Variants in JRKL observed in about 807,000 individuals in gnomAD.
JRKL encodes the protein JRK like, also known as jerky protein homolog-like.
JRKL carries 25 observed loss-of-function variants against 34.7 expected under a neutral mutation model. The observed-to-expected ratio is 0.72, with a 90% confidence interval of 0.53 to 1.01. JRKL has a LOEUF of 1.01. JRKL is among the 50% of genes least tolerant of loss of function. JRKL has a pLI of 0.00. For missense variants in JRKL, 495 were observed against 615.7 expected, an observed-to-expected ratio of 0.80 and a Z score of 2.07; for synonymous variants, 204 against 212.8, an observed-to-expected ratio of 0.96 and a Z score of 0.36.
In JRKL at chr11:96,391,019, G is replaced by A. The variant is rs139793646; in HGVS notation, c.370G>A (p.Gly124Ser). 5.0e-6 allele frequency: 8 copies of A among 1,614,166 alleles called. No individual in the cohort carries two copies. The highest frequency in any genetic ancestry group is 1.3e-5 in the African/African-American group (1 of 75,034). ...GGATGGTGATTTTAACCCCTCTGCC[G>A]GTTGGCTAACTCGTTTTAAGCAGCG... ...GMDGDFNPSA[G>S]WLTRFKQRHS... Residue 124 changes from glycine (G) to serine (S), a missense_variant, in exon 2 of 2, where the codon GGT becomes AGT. Transcript: ENST00000332349.
Position 96,390,764 on chromosome 11 carries a change from G to C in JRKL, c.115G>C (p.Glu39Gln), listed in dbSNP as rs1565332516. 1.2e-6 allele frequency: 2 copies of C among 1,613,776 alleles called. No individual in the cohort carries two copies. The highest frequency in any genetic ancestry group is 2.2e-5 in the South Asian group (2 of 90,990). ...KQLAVIYGIG[E>Q]TTVRDIRKNK... ...ACTGGCAGTGATTTATGGAATTGGT[G>C]AAACAACAGTTCGGGATATAAGAAA... Residue 39 changes from glutamate to glutamine, a missense_variant, in exon 2 of 2, where the codon GAA becomes CAA. Transcript: ENST00000332349.
rs201469823 is a variant in JRKL at position 96,390,624 on chromosome 11, T to C, written c.-26T>C. ...ATTTTGTGGATTGCTACATTGTGAG[T>C]GTGGGGTGAGTCCCAGAACCTCGCT... On this transcript the variant is annotated 5_prime_UTR_variant, in exon 2 of 2. Transcript: ENST00000332349. 6.5e-7 allele frequency: 1 copy of C among 1,548,708 alleles called. No individual in the cohort carries two copies. The highest frequency in any genetic ancestry group is 2.2e-5 in the East Asian group (1 of 44,684).
chr11:96,391,879 G>A lies in JRKL; in HGVS notation c.1230G>A (p.Val410=), dbSNP rs761099452. The change falls in exon 2 of 2, where the codon GTG becomes GTA. Residue 410 remains valine, a synonymous_variant. Coordinates refer to ENST00000332349, the MANE Select transcript of JRKL (RefSeq NM_001261833.2). ...FDVEDISVAT[V]AAILQHTKGL... The stretch of plus-strand genomic sequence containing the variant: ...TTGAAGATATTTCTGTGGCTACTGT[G>A]GCTGCCATTTTACAACACACCAAAG... 1 of 1,614,030 alleles carries A rather than the reference G, an allele frequency of 6.2e-7. No individual in the cohort carries two copies. The highest frequency in any genetic ancestry group is 2.2e-5 in the East Asian group (1 of 44,890).
chr11:96,391,455 T>A lies in JRKL; in HGVS notation c.806T>A (p.Ile269Asn). 3 of 1,551,744 alleles carry A rather than the reference T, an allele frequency of 1.9e-6. No individual in the cohort carries two copies. The highest frequency in any genetic ancestry group is 2.6e-6 in the Non-Finnish European group (3 of 1,146,988). The change falls in exon 2 of 2, where the codon ATT becomes AAT. Residue 269 changes from isoleucine to asparagine, a missense_variant. By Grantham distance (149) the Ile-to-Asn change is moderately radical. Transcript: ENST00000332349. The stretch of plus-strand genomic sequence containing the variant: ...ATTTTCCGACAATGGTTTGATAAAA[T>A]TTTTGTGCCGCAAGTTCGAGAGTAT... ...LSIFRQWFDK[I>N]FVPQVREYLR... is the part of the protein sequence containing the mutation.
rs1866496218 is a variant in JRKL, at chr11:96,390,484, C to T, written c.-166C>T. 1 of 718,962 alleles carries T rather than the reference C, an allele frequency of 1.4e-6. No individual in the cohort carries two copies. The highest frequency in any genetic ancestry group is 2.2e-6 in the Non-Finnish European group (1 of 464,220). 44.5% of individuals were successfully genotyped at this position (718,962 alleles called of 1,614,324 possible). Reference sequence around the variant, plus strand: ...CTCCTCTTTCACCTTCTTCTGCAGTCTATTTGCCAGCCAACCCCAGCCCGG... The same window carrying T: ...CTCCTCTTTCACCTTCTTCTGCAGTTTATTTGCCAGCCAACCCCAGCCCGG... On this transcript the variant is annotated splice_region_variant and 5_prime_UTR_variant, in exon 2 of 2. Transcript: ENST00000332349.
rs1866569317 is a variant in JRKL at position 96,393,120 on chromosome 11, A to G, written c.*896A>G. 6.4e-6 allele frequency: 1 copy of G among 155,742 alleles called. No homozygotes were observed. Among genetic ancestry groups the G allele is most frequent in the Admixed American group, 7.2e-5 (1 of 13,858 alleles). 9.6% of individuals were successfully genotyped at this position (155,742 alleles called of 1,614,324 possible). On this transcript the variant is annotated 3_prime_UTR_variant, in exon 2 of 2. Coordinates refer to ENST00000332349, the MANE Select transcript of JRKL (RefSeq NM_001261833.2). ...GAACATCTTGGGAATTTGAGATTTA[A>G]TAAGTTTTTTTTTTTTTTTTTTTAG... is the stretch of plus-strand genomic sequence containing the variant.
Position 96,391,665 on chromosome 11 carries a change from G to A in JRKL, c.1016G>A (p.Arg339His), listed in dbSNP as rs745489757. ...GVIATMKRNY[R>H]AGLLQNNLEE... ...ATAGCAACGATGAAGAGAAATTATC[G>A]TGCAGGTCTTCTCCAGAACAACTTG... The change falls in exon 2 of 2, where the codon CGT becomes CAT. Residue 339 changes from arginine (R) to histidine (H), a missense_variant. Physicochemically the swap from Arg to His is conservative, Grantham distance 29. Transcript: ENST00000332349. 2.5e-6 allele frequency: 4 copies of A among 1,614,150 alleles called. No individual in the cohort carries two copies. The highest frequency in any genetic ancestry group is 1.7e-5 in the Admixed American group (1 of 60,022).
Position 96,391,143 on chromosome 11 carries a change from G to A in JRKL, c.494G>A (p.Arg165Gln), listed in dbSNP as rs572762576. The change falls in exon 2 of 2, where the codon CGA (arginine) becomes CAA (glutamine). Residue 165 changes from arginine (R) to glutamine (Q), a missense_variant. Physicochemically the swap from Arg to Gln is conservative, Grantham distance 43. Transcript: ENST00000332349. Reference protein sequence around the residue: ...FCNNFRDFIERENLQPEQIYN... With the variant: ...FCNNFRDFIEQENLQPEQIYN... ...AATAACTTTCGAGATTTTATTGAAC[G>A]AGAGAATTTACAGCCTGAACAAATC... The A allele has an allele frequency of 4.4e-6, 7 of 1,602,890 alleles. No individual in the cohort carries two copies. Among genetic ancestry groups the A allele is most frequent in the Middle Eastern group, 1.7e-4 (1 of 6,042 alleles).
At chr11:96,390,254 A>G (rs527250055) in intron 1 of JRKL, among the ~76,000 whole-genome samples, 181 bp downstream of exon 1, 1 of 152,198 alleles carries the variant, frequency 6.6e-6, no homozygotes, top group Non-Finnish European at 1.5e-5. Flanking sequence ...TCTCTGTCGT[A>G]ACTTTGGGGT....
Position 96,392,034 on chromosome 11 carries a change from A to C in JRKL, c.1385A>C (p.Glu462Ala), listed in dbSNP as rs1280361850. ...RAQGQADESS[E>A]NEEEEIELIP... ...CAAGGCCAGGCAGATGAATCCAGTG[A>C]AAATGAGGAGGAGGAAATAGAACTA... The change falls in exon 2 of 2, where the codon GAA becomes GCA. Residue 462 changes from glutamate to alanine, a missense_variant. Physicochemically the swap from Glu to Ala is moderately radical, Grantham distance 107. Coordinates refer to ENST00000332349, the MANE Select transcript of JRKL (RefSeq NM_001261833.2). 6.2e-7 allele frequency: 1 copy of C among 1,614,038 alleles called. No homozygotes were observed. Among genetic ancestry groups the C allele is most frequent in the Non-Finnish European group, 8.5e-7 (1 of 1,180,004 alleles).
Position 96,391,773 on chromosome 11 carries a change from T to C in JRKL, c.1124T>C (p.Leu375Ser). 6.2e-7 allele frequency: 1 copy of C among 1,614,186 alleles called. No individual in the cohort carries two copies. The change falls in exon 2 of 2, where the codon TTA (leucine) becomes TCA (serine). Residue 375 changes from leucine (L) to serine (S), a missense_variant. Transcript: ENST00000332349. ...TATGAAATAGCAATGGCATGGAACT[T>C]AGTAAAACCAGTTACCATTAGCAGA... ...ALYEIAMAWNLVKPVTISRAW... is the reference protein window; with the variant it reads ...ALYEIAMAWNSVKPVTISRAW...
In JRKL at chr11:96,390,616, A is replaced by G. The variant is rs199703021; in HGVS notation, c.-34A>G. The G allele has an allele frequency of 5.2e-6, 8 of 1,544,072 alleles. No individual in the cohort carries two copies. The African/African-American group carries it at 5.5e-5, about 11-fold the overall frequency. On this transcript the variant is annotated 5_prime_UTR_variant, in exon 2 of 2. Coordinates refer to ENST00000332349, the MANE Select transcript of JRKL (RefSeq NM_001261833.2). ...AAGGAAGGATTTTGTGGATTGCTACATTGTGAGTGTGGGGTGAGTCCCAGA... is the reference window on the plus strand; with the variant it reads ...AAGGAAGGATTTTGTGGATTGCTACGTTGTGAGTGTGGGGTGAGTCCCAGA...
chr11:96,392,451 A>G lies in JRKL; in HGVS notation c.*227A>G. The G allele has an allele frequency of 1.2e-5, 6 of 483,142 alleles. No individual in the cohort carries two copies. Among genetic ancestry groups the G allele is most frequent in the South Asian group, 4.7e-5 (1 of 21,110 alleles). 29.9% of individuals were successfully genotyped at this position (483,142 alleles called of 1,614,324 possible). A position where few individuals can be genotyped will look rare whatever the true frequency, so the allele number is the denominator to read the frequency against. On this transcript the variant is annotated 3_prime_UTR_variant, in exon 2 of 2. Coordinates refer to ENST00000332349, the MANE Select transcript of JRKL (RefSeq NM_001261833.2). ...TACTGAATAGATATAAATTACATGT[A>G]CACATGTATTCACTTTTTAGAATCT...
chr11:96,391,599 C>T lies in JRKL; in HGVS notation c.950C>T (p.Pro317Leu), dbSNP rs1195312488. The stretch of plus-strand genomic sequence containing the variant: ...CAAATATTTGCTAAATATTTACCAC[C>T]TAATGTGGCCTCATTGATTCAGCCT... ...DGQIFAKYLP[P>L]NVASLIQPSD... The change falls in exon 2 of 2, where the codon CCT (proline) becomes CTT (leucine). Residue 317 changes from proline (P) to leucine (L), a missense_variant. By Grantham distance (98) the Pro-to-Leu change is moderately conservative. Transcript: ENST00000332349. 1.9e-6 allele frequency: 3 copies of T among 1,609,318 alleles called. No homozygotes were observed. The highest frequency in any genetic ancestry group is 2.2e-5 in the South Asian group (2 of 90,462).
At position 96,391,840 on chromosome 11, in the gene JRKL, C is replaced by T. The variant is rs550219514; in HGVS notation, c.1191C>T (p.Ser397=). The change falls in exon 2 of 2, where the codon AGC becomes AGT. Residue 397 remains serine (S), a synonymous_variant. Coordinates refer to ENST00000332349, the MANE Select transcript of JRKL (RefSeq NM_001261833.2). ...KILPMVEEKE[S]LDFDVEDISV... ...TCCCTATGGTAGAGGAGAAAGAGAG[C>T]CTGGACTTTGATGTTGAAGATATTT... is the stretch of plus-strand genomic sequence containing the variant. 35 of 1,614,086 alleles carry T rather than the reference C, an allele frequency of 2.2e-5. No individual in the cohort carries two copies. In the South Asian group the frequency reaches 3.7e-4, roughly 17 times the overall value.
In JRKL at chr11:96,392,960, T is replaced by C. The variant is rs903091330; in HGVS notation, c.*736T>C. On this transcript the variant is annotated 3_prime_UTR_variant, in exon 2 of 2. Transcript: ENST00000332349. ...ATTTATACAAAGGGAATAAATAGGCTGATTTTAATTTGGTAAGTTGATCTT... is the reference window on the plus strand; with the variant it reads ...ATTTATACAAAGGGAATAAATAGGCCGATTTTAATTTGGTAAGTTGATCTT... The C allele has an allele frequency of 1.8e-5, 3 of 166,532 alleles. No homozygotes were observed. Among genetic ancestry groups the C allele is most frequent in the Non-Finnish European group, 4.4e-5 (3 of 68,028 alleles). The allele number at this position is 166,532 out of a possible 1,614,324, so 10.3% of individuals were successfully genotyped here.
Position 96,392,476 on chromosome 11 carries a change from T to C in JRKL, c.*252T>C. Reference sequence around the variant, plus strand: ...ACACATGTATTCACTTTTTAGAATCTGCAATTATACCTTCTGTAACAGTGG... The same window carrying C: ...ACACATGTATTCACTTTTTAGAATCCGCAATTATACCTTCTGTAACAGTGG... On this transcript the variant is annotated 3_prime_UTR_variant, in exon 2 of 2. Transcript: ENST00000332349. 2.8e-6 allele frequency: 1 copy of C among 356,070 alleles called. No individual in the cohort carries two copies. 22.1% of individuals were successfully genotyped at this position (356,070 alleles called of 1,614,324 possible).
chr11:96,392,730 A>G lies in JRKL; in HGVS notation c.*506A>G, dbSNP rs1021515728. The G allele has an allele frequency of 6.0e-6, 1 of 167,096 alleles. No homozygotes were observed. The highest frequency in any genetic ancestry group is 2.4e-5 in the African/African-American group (1 of 41,454). The allele number at this position is 167,096 out of a possible 1,614,324, so 10.4% of individuals were successfully genotyped here. Reference sequence around the variant, plus strand: ...AAAAATGAAATTCAATAATGGGGAAATAATTATGAATTATAGAAATTATGC... The same window carrying G: ...AAAAATGAAATTCAATAATGGGGAAGTAATTATGAATTATAGAAATTATGC... On this transcript the variant is annotated 3_prime_UTR_variant, in exon 2 of 2. Transcript: ENST00000332349.
In JRKL at chr11:96,392,288, A is replaced by ATTT; in HGVS notation, c.*66_*68dup. 1 of 1,475,006 alleles carries ATTT rather than the reference A, an allele frequency of 6.8e-7. No homozygotes were observed. The highest frequency in any genetic ancestry group is 9.0e-7 in the Non-Finnish European group (1 of 1,114,418). 91.4% of individuals were successfully genotyped at this position (1,475,006 alleles called of 1,614,324 possible). On this transcript the variant is annotated 3_prime_UTR_variant, in exon 2 of 2. Transcript: ENST00000332349. ...GACAAACTCTTTGCAATATGGCTTA[A>ATTT]TTTTCTTTGTGTTCTGAATTCTCAG... is the stretch of plus-strand genomic sequence containing the variant.
Sources: allele counts gnomAD v4.1 joint callset (sites outside exome capture counted in the v4.1 genomes callset), GRCh38; gene constraint gnomAD v4.1.1; transcripts MANE v1.5; gene names NCBI Gene and HGNC (gene_info 2026-07-23, HGNC 2026-07-21).